The following EPHA7 variants were observed in gnomAD, a reference collection of about 807,000 sequenced individuals.
EPHA7 encodes ephrin type-A receptor 7.
Under a neutral mutation model 112.6 loss-of-function variants are expected in EPHA7, and 25 were observed. The observed-to-expected ratio is 0.22, with a 90% confidence interval of 0.16 to 0.31. EPHA7 has a LOEUF of 0.31. Ranked by LOEUF, EPHA7 falls within the 10% of genes least tolerant of loss-of-function variation. EPHA7 has a pLI of 1.00. For synonymous variants in EPHA7, 437 were observed against 406.5 expected, an observed-to-expected ratio of 1.07 and a Z score of -0.90; for missense variants, 962 against 1,212.6, an observed-to-expected ratio of 0.79 and a Z score of 3.07.
intron 15 of EPHA7, 101 bp downstream of exon 15, chr6:93,246,691 A>C: frequency 3.9e-6 from 4 of 1,026,488 alleles, no homozygotes; most frequent in South Asian, 1.8e-5. Flanking sequence ...TTATACGTCA[A>C]CACAAAAGTC....
chr6:93,408,257 C>T lies in EPHA7; in HGVS notation c.832+2244G>A, dbSNP rs150941948. 2.8e-3 allele frequency among the ~76,000 whole-genome samples: 432 copies of T among 152,104 alleles called. 2 individuals are homozygous for T. The highest frequency in any genetic ancestry group is 1.0e-2 in the African/African-American group (414 of 41,524). On this transcript the variant is annotated intron_variant, in intron 3 of 16. Transcript: ENST00000369303. The stretch of plus-strand genomic sequence containing the variant: ...CAAGTTCTGCATAATATTGAAACTG[C>T]TCCTTTCATAGCTAAAGTGCAATAA...
At chr6:93,398,387 T>G (rs1445727118) in intron 3 of EPHA7, among the ~76,000 whole-genome samples, 1 of 152,004 alleles carries the variant, frequency 6.6e-6, no homozygotes, top group East Asian at 1.9e-4. Flanking sequence ...CCTTCAGCAT[T>G]GATCAAAGTG....
intron 7 of EPHA7, among the ~76,000 whole-genome samples, 199 bp from the exon 8 acceptor site, chr6:93,264,901 C>T (rs1466539858): frequency 6.6e-6 from 1 of 151,546 alleles, no homozygotes; most frequent in Non-Finnish European, 1.5e-5. Context: ...CACATATTTT[C>T]CATTTATCAG....
In EPHA7 at chr6:93,414,742, T is replaced by C. The variant is rs1289923558; in HGVS notation, c.123A>G (p.Gln41=). The change falls in exon 2 of 17, where the codon CAA becomes CAG. Residue 41 remains glutamine (Q), a synonymous_variant. Coordinates refer to ENST00000369303, the MANE Select transcript of EPHA7 (RefSeq NM_004440.4). ...KEVLLLDSKA[Q]QTELEWISSP... The stretch of plus-strand genomic sequence containing the variant: ...AGGAAATCCACTCCAACTCTGTTTG[T>C]TGTGCTTTAGAATCCAGCAGTAGTA... The C allele has an allele frequency of 2.5e-6, 4 of 1,612,586 alleles. No homozygotes were observed. Among genetic ancestry groups the C allele is most frequent in the East Asian group, 2.2e-5 (1 of 44,768 alleles).
At position 93,384,676 on chromosome 6, in the gene EPHA7, T is replaced by A. The variant is rs533291201; in HGVS notation, c.832+25825A>T. On this transcript the variant is annotated intron_variant, in intron 3 of 16. Coordinates refer to ENST00000369303, the MANE Select transcript of EPHA7 (RefSeq NM_004440.4). ...CGCACATTTGTCTATTAAACCTCAATGCACATATTATCTCCTGAAAGACCT... is the reference window on the plus strand; with the variant it reads ...CGCACATTTGTCTATTAAACCTCAAAGCACATATTATCTCCTGAAAGACCT... 2.6e-5 allele frequency among the ~76,000 whole-genome samples: 4 copies of A among 152,332 alleles called. No homozygotes were observed. In the East Asian group the frequency reaches 7.7e-4, roughly 29 times the overall value.
chr6:93,301,541 T>G (rs1415147184), intron 5 of EPHA7, among the ~76,000 whole-genome samples: 1 of 152,140 alleles, frequency 6.6e-6, no homozygotes, highest in Non-Finnish European at 1.5e-5. Flanking sequence ...ATAATAAATT[T>G]AATAGCGATT....
At chr6:93,375,365 C>G (rs970582318) in intron 3 of EPHA7, among the ~76,000 whole-genome samples, 1 of 151,922 alleles carries the variant, frequency 6.6e-6, no homozygotes, top group African/African-American at 2.4e-5. Context: ...CCTGTAATCC[C>G]AGCACTTTGG....
rs549336389 is a variant in EPHA7, at chr6:93,363,614, G to C, written c.833-5203C>G. On this transcript the variant is annotated intron_variant, in intron 3 of 16. Coordinates refer to ENST00000369303, the MANE Select transcript of EPHA7 (RefSeq NM_004440.4). ...TTAGAACTCTCCTACACTGCTTGTG[G>C]GAATGTAAAATGGTGCAGCCACTTT... Among the ~76,000 whole-genome samples, 10 of 152,228 alleles carry C rather than the reference G, an allele frequency of 6.6e-5. No individual in the cohort carries two copies. In the East Asian group the frequency reaches 1.9e-3, roughly 29 times the overall value.
At position 93,410,910 on chromosome 6, in the gene EPHA7, G is replaced by A. The variant is rs548216830; in HGVS notation, c.423C>T (p.Asn141=). Residue 141 remains asparagine, a synonymous_variant, in exon 3 of 17, where the codon AAC becomes AAT. Transcript: ENST00000369303. The surrounding 1 kb of genome is among the most constrained non-coding windows in gnomAD (Gnocchi z 4.0). The part of the protein sequence containing the change: ...DYDTGRNIRE[N]LYVKIDTIAA... ...CAATGGTGTCTATTTTTACATAGAG[G>A]TTTTCTCTTATATTCCTGCCAGTGT... 8.7e-6 allele frequency: 14 copies of A among 1,613,878 alleles called. No individual in the cohort carries two copies. In the East Asian group the frequency reaches 2.9e-4, roughly 33 times the overall value.
intron 7 of EPHA7, 134 bp downstream of exon 7, chr6:93,269,343 A>T (rs995796288): frequency 4.8e-6 from 3 of 628,942 alleles, no homozygotes; most frequent in Non-Finnish European, 7.4e-6. Flanking sequence ...TACAAAGTAC[A>T]TTTATATGTA....
intron 14 of EPHA7, among the ~76,000 whole-genome samples, chr6:93,249,814 T>A (rs1239840008): frequency 9.2e-5 from 14 of 152,194 alleles, no homozygotes; most frequent in African/African-American, 3.4e-4. Context: ...TACTTTTCAA[T>A]AGCACTTCAA....
At chr6:93,366,029 A>C (rs937472443) in intron 3 of EPHA7, among the ~76,000 whole-genome samples, 2 of 152,176 alleles carry the variant, frequency 1.3e-5, no homozygotes, top group African/African-American at 4.8e-5. Context: ...ATCTTTACTT[A>C]AATTTTCAGC....
chr6:93,362,770 A>G (rs1242557686), intron 3 of EPHA7, among the ~76,000 whole-genome samples: 1 of 151,580 alleles, frequency 6.6e-6, no homozygotes, highest in African/African-American at 2.4e-5. Flanking sequence ...TCTTTAACTT[A>G]AGCAATTAAG....
chr6:93,250,138 A>T (rs1428266809), intron 14 of EPHA7, among the ~76,000 whole-genome samples: 1 of 152,154 alleles, frequency 6.6e-6, no homozygotes, highest in Non-Finnish European at 1.5e-5. Flanking sequence ...AATCTCATTA[A>T]TAGTCACATC....
At chr6:93,283,807 G>A (rs547078127) in intron 5 of EPHA7, among the ~76,000 whole-genome samples, 4 of 152,176 alleles carry the variant, frequency 2.6e-5, no homozygotes, top group African/African-American at 9.6e-5. Context: ...CCCAATTCCG[G>A]ACACAGTAAT....
At chr6:93,399,227 A>G (rs531215983) in intron 3 of EPHA7, among the ~76,000 whole-genome samples, 8 of 152,188 alleles carry the variant, frequency 5.3e-5, no homozygotes, top group Admixed American at 3.3e-4. Context: ...CTAATCATTA[A>G]TTGCTAAAAT....
intron 5 of EPHA7, among the ~76,000 whole-genome samples, chr6:93,307,502 C>T (rs1361391572): frequency 6.6e-6 from 1 of 151,874 alleles, no homozygotes; most frequent in Non-Finnish European, 1.5e-5. Flanking sequence ...TTTTTCTTCC[C>T]AAAATAGACA....
intron 3 of EPHA7, among the ~76,000 whole-genome samples, chr6:93,402,712 T>C (rs1778490129): frequency 6.6e-6 from 1 of 152,066 alleles, no homozygotes; most frequent in Non-Finnish European, 1.5e-5. Context: ...TATCATGTTT[T>C]GTTTCTTTCT....
intron 3 of EPHA7, among the ~76,000 whole-genome samples, chr6:93,378,926 T>C (rs1183892747): frequency 6.6e-6 from 1 of 152,148 alleles, no homozygotes; most frequent in Non-Finnish European, 1.5e-5. Flanking sequence ...TGGTACTTCA[T>C]TACTGTCAAT....
Sources: gnomAD v4.1 joint callset for allele counts (sites outside exome capture counted in the v4.1 genomes callset) on GRCh38, gnomAD v4.1.1 for gene constraint, Gnocchi (gnomAD v3.1) non-coding constraint, MANE v1.5 for transcripts, NCBI Gene and HGNC (gene_info 2026-07-23, HGNC 2026-07-21) for gene names.